Variants in CFAP61 observed in about 807,000 individuals in gnomAD.
CFAP61 encodes the protein cilia- and flagella-associated protein 61.
CFAP61 carries 107 observed loss-of-function variants against 135.6 expected under a neutral mutation model. That is an observed-to-expected ratio of 0.79 (90% confidence interval 0.67 to 0.93). CFAP61 has a LOEUF of 0.93. Ranked by LOEUF, CFAP61 falls within the 40% of genes least tolerant of loss-of-function variation. CFAP61 has a pLI of 0.00. For synonymous variants in CFAP61, 575 were observed against 578.5 expected (o/e 0.99, Z 0.09); for missense variants, 1,507 against 1,556.2 (o/e 0.97, Z 0.53).
intron 6 of CFAP61, among the ~76,000 whole-genome samples, chr20:20,089,692 C>T (rs1426838673): frequency 1.3e-5 from 2 of 152,084 alleles, no homozygotes; most frequent in Admixed American, 1.3e-4. Context: ...TTAAATCCTG[C>T]AGCAAGATGG....
intron 24 of CFAP61, 91 bp downstream of exon 24, chr20:20,290,482 A>G: frequency 2.3e-6 from 2 of 862,200 alleles, no homozygotes; most frequent in Non-Finnish European, 3.8e-6. Flanking sequence ...CTTTACTGTA[A>G]TGTGTTGGTT....
At chr20:20,183,484 C>A (rs2055269438) in intron 13 of CFAP61, among the ~76,000 whole-genome samples, 1 of 152,226 alleles carries the variant, frequency 6.6e-6, no homozygotes, top group South Asian at 2.1e-4. Flanking sequence ...GCTTTTTGAG[C>A]TGAGTAAAAA....
chr20:20,167,069 G>A (rs2053893289), intron 12 of CFAP61, among the ~76,000 whole-genome samples: 1 of 152,214 alleles, frequency 6.6e-6, no homozygotes, highest in Admixed American at 6.5e-5. Context: ...GAGGAAGGAA[G>A]TTTTGAGGGA....
At position 20,142,911 on chromosome 20, in the gene CFAP61, A is replaced by G. The variant is rs745560797; in HGVS notation, c.914A>G (p.Gln305Arg). Residue 305 changes from glutamine (Q) to arginine (R), a missense_variant, in exon 9 of 27, where the codon CAG becomes CGG. Physicochemically the swap from Gln to Arg is conservative, Grantham distance 43. Coordinates refer to ENST00000245957, the MANE Select transcript of CFAP61 (RefSeq NM_015585.4). Reference protein sequence around the residue: ...QGSQKIVEELQEPVSPDTMEN... With the variant: ...QGSQKIVEELREPVSPDTMEN... ...TCCCAAAAAATAGTCGAGGAGTTGCAGGAACCTGTCTCTCCAGATACCATG... is the reference window on the plus strand; with the variant it reads ...TCCCAAAAAATAGTCGAGGAGTTGCGGGAACCTGTCTCTCCAGATACCATG... 1.9e-6 allele frequency: 3 copies of G among 1,601,770 alleles called. No homozygotes were observed. Among genetic ancestry groups the G allele is most frequent in the Non-Finnish European group, 8.5e-7 (1 of 1,173,308 alleles).
At chr20:20,296,447 C>T (rs113568346) in intron 24 of CFAP61, among the ~76,000 whole-genome samples, 1 of 136,146 alleles carries the variant, frequency 7.3e-6, no homozygotes, top group Non-Finnish European at 1.6e-5. Flanking sequence ...CCTTCCTTCC[C>T]TCCTTCCTGC....
intron 8 of CFAP61, among the ~76,000 whole-genome samples, chr20:20,106,448 T>G (rs1047960756): frequency 2.0e-5 from 3 of 152,218 alleles, no homozygotes; most frequent in Admixed American, 1.3e-4. Flanking sequence ...GAGATCTGCA[T>G]TCCTCCTTTC....
intron 2 of CFAP61, among the ~76,000 whole-genome samples, chr20:20,068,443 T>C (rs1420934280): frequency 2.0e-5 from 3 of 152,170 alleles, no homozygotes; most frequent in Non-Finnish European, 2.9e-5. Flanking sequence ...AAGAGCCCTG[T>C]GTGGATACTG....
intron 21 of CFAP61, among the ~76,000 whole-genome samples, chr20:20,272,863 T>C (rs1392765955): frequency 6.6e-6 from 1 of 152,104 alleles, no homozygotes; most frequent in African/African-American, 2.4e-5. Flanking sequence ...GACTTAACCG[T>C]TGCAAAATGA....
At chr20:20,115,674 G>A (rs1224427161) in intron 8 of CFAP61, among the ~76,000 whole-genome samples, 1 of 152,052 alleles carries the variant, frequency 6.6e-6, no homozygotes, top group East Asian at 1.9e-4. Context: ...CCATATATGA[G>A]TGAGAATATG....
chr20:20,299,386 ACTT>A (rs951230584), intron 25 of CFAP61, among the ~76,000 whole-genome samples: 7 of 152,154 alleles, frequency 4.6e-5, no homozygotes. Context: ...GGATCAGTGA[ACTT>A]CTTCTATAAG....
intron 20 of CFAP61, among the ~76,000 whole-genome samples, chr20:20,261,849 C>T (rs891262778): frequency 6.6e-6 from 1 of 151,620 alleles, no homozygotes; most frequent in Non-Finnish European, 1.5e-5. Flanking sequence ...ACAAAGAAGA[C>T]GAGTATCAGC....
chr20:20,134,543 T>A (rs998616418), intron 8 of CFAP61, among the ~76,000 whole-genome samples: 62 of 152,288 alleles, frequency 4.1e-4, no homozygotes, highest in African/African-American at 1.4e-3. Flanking sequence ...CAGTTTCTAG[T>A]TCACAGGAAG....
chr20:20,247,501 C>T (rs1004478387), intron 19 of CFAP61, among the ~76,000 whole-genome samples: 1 of 152,216 alleles, frequency 6.6e-6, no homozygotes, highest in African/African-American at 2.4e-5. Context: ...CGCCTCCTCA[C>T]CGCCCAGAAC....
At chr20:20,300,980 T>C (rs1472607740) in intron 25 of CFAP61, among the ~76,000 whole-genome samples, 1 of 152,098 alleles carries the variant, frequency 6.6e-6, no homozygotes, top group Admixed American at 6.5e-5. Flanking sequence ...GATTATAAAG[T>C]AAAAAGAGTA....
At chr20:20,070,828 G>A in intron 2 of CFAP61, 26 bp from the exon 3 acceptor site, 1 of 1,600,934 alleles carries the variant, frequency 6.2e-7, no homozygotes, top group South Asian at 1.1e-5. Context: ...TCTTATTCAT[G>A]TTTGCAATTG....
rs549154154 is a variant in CFAP61 at position 20,063,351 on chromosome 20, A to G, written c.143+6555A>G. On this transcript the variant is annotated intron_variant, in intron 2 of 26. Transcript: ENST00000245957. Reference sequence around the variant, plus strand: ...TAATGTTCATGCCTTGCTCATGAACATGGATGTAAAAATTCAAAAAAAAAT... The same window carrying G: ...TAATGTTCATGCCTTGCTCATGAACGTGGATGTAAAAATTCAAAAAAAAAT... Among the ~76,000 whole-genome samples the G allele has an allele frequency of 1.1e-4, 17 of 152,328 alleles. No individual in the cohort carries two copies. The South Asian group carries it at 2.1e-3, about 19-fold the overall frequency.
At chr20:20,207,333 T>G (rs1234010477) in intron 17 of CFAP61, among the ~76,000 whole-genome samples, 1 of 152,128 alleles carries the variant, frequency 6.6e-6, no homozygotes, top group Non-Finnish European at 1.5e-5. Flanking sequence ...AAGAAAAAAT[T>G]CTAAGGATTT....
At chr20:20,175,970 T>C (rs1455702839) in intron 13 of CFAP61, among the ~76,000 whole-genome samples, 1 of 152,122 alleles carries the variant, frequency 6.6e-6, no homozygotes, top group African/African-American at 2.4e-5. Context: ...GACAAAGGTC[T>C]GATATCCAGA....
intron 26 of CFAP61, among the ~76,000 whole-genome samples, chr20:20,342,972 T>G (rs2058500257): frequency 6.6e-6 from 1 of 151,980 alleles, no homozygotes; most frequent in Admixed American, 6.6e-5. Flanking sequence ...GCGATTCTCC[T>G]GCCTCAGCCT....
Sources: allele counts gnomAD v4.1 joint callset (sites outside exome capture counted in the v4.1 genomes callset), GRCh38; gene constraint gnomAD v4.1.1; transcripts MANE v1.5; gene names NCBI Gene and HGNC (gene_info 2026-07-23, HGNC 2026-07-21).